Variants in AKR1C8 observed in about 807,000 individuals in gnomAD.
The protein encoded by AKR1C8 is aldo-keto reductase family 1 member C-like protein 1.
the AKR1C8 span, among the ~76,000 whole-genome samples, chr10:5,125,043 G>C: frequency 7.6e-6 from 1 of 131,104 alleles, no homozygotes; most frequent in Admixed American, 7.3e-5. Context: ...ATCACAATTG[G>C]ATTTTTTTTT....
At chr10:5,124,703 G>C in the AKR1C8 span, among the ~76,000 whole-genome samples, 2 of 151,970 alleles carry the variant, frequency 1.3e-5, no homozygotes, top group Non-Finnish European at 2.9e-5. Flanking sequence ...AATATGTTGT[G>C]GAATATAACT....
At chr10:5,173,405 T>C in the AKR1C8 span, among the ~76,000 whole-genome samples, 1 of 151,756 alleles carries the variant, frequency 6.6e-6, no homozygotes, top group African/African-American at 2.4e-5. Flanking sequence ...AGGTGCAGAA[T>C]GAGGAGGAGT....
chr10:5,155,810 C>T, the AKR1C8 span: 1 of 443,044 alleles, frequency 2.3e-6, no homozygotes, highest in South Asian at 1.7e-5. Flanking sequence ...GCAGCTTCTA[C>T]ATGGGAATAC....
chr10:5,126,974 A>T, the AKR1C8 span, among the ~76,000 whole-genome samples: 1 of 148,450 alleles, frequency 6.7e-6, no homozygotes, highest in Non-Finnish European at 1.5e-5. Context: ...AACAAGTAGA[A>T]GAAGTAGTCT....
At chr10:5,180,537 G>C in the AKR1C8 span, among the ~76,000 whole-genome samples, 1 of 152,202 alleles carries the variant, frequency 6.6e-6, no homozygotes, top group Non-Finnish European at 1.5e-5. Context: ...AGTCTGCAGA[G>C]GTTACTGCTG....
the AKR1C8 span, chr10:5,157,780 T>C: frequency 2.1e-6 from 1 of 471,112 alleles, no homozygotes. Flanking sequence ...CTCCAAGAGA[T>C]GTGGGCAGTC....
the AKR1C8 span, among the ~76,000 whole-genome samples, chr10:5,148,089 T>C: frequency 5.3e-5 from 8 of 152,240 alleles, no homozygotes; most frequent in African/African-American, 1.9e-4. Context: ...GTGAGGCCTC[T>C]GGCTTCACAA....
At chr10:5,121,479 T>G in the AKR1C8 span, among the ~76,000 whole-genome samples, 287 of 152,104 alleles carry the variant, frequency 1.9e-3, 3 homozygotes, top group African/African-American at 6.5e-3. Context: ...AAAATGAGAG[T>G]TGTGACAGGC....
chr10:5,119,217 A>T, the AKR1C8 span, among the ~76,000 whole-genome samples: 1 of 152,228 alleles, frequency 6.6e-6, no homozygotes, highest in South Asian at 2.1e-4. Context: ...TGAATAAATG[A>T]ATGAATGGCA....
At chr10:5,147,095 C>G in the AKR1C8 span, among the ~76,000 whole-genome samples, 1 of 152,230 alleles carries the variant, frequency 6.6e-6, no homozygotes, top group East Asian at 1.9e-4. Flanking sequence ...CCATTCATGG[C>G]AAAAGGAGAC....
chr10:5,179,825 C>G, the AKR1C8 span, among the ~76,000 whole-genome samples: 1 of 152,210 alleles, frequency 6.6e-6, no homozygotes, highest in Non-Finnish European at 1.5e-5. Flanking sequence ...TCAGCTCCTT[C>G]AGCTCCTTTA....
the AKR1C8 span, among the ~76,000 whole-genome samples, chr10:5,137,049 C>A: frequency 6.6e-6 from 1 of 152,066 alleles, no homozygotes; most frequent in Admixed American, 6.6e-5. Flanking sequence ...ATTAGGTAAG[C>A]AATAGTATCT....
the AKR1C8 span, among the ~76,000 whole-genome samples, chr10:5,135,981 T>C: frequency 6.6e-6 from 1 of 152,196 alleles, no homozygotes; most frequent in African/African-American, 2.4e-5. Context: ...GCAGAAATTA[T>C]GACATGATGT....
chr10:5,155,655 A>C, the AKR1C8 span: 1 of 462,332 alleles, frequency 2.2e-6, no homozygotes, highest in South Asian at 1.6e-5. Flanking sequence ...CCTGTGAGAG[A>C]ATCTACAAGC....
the AKR1C8 span, among the ~76,000 whole-genome samples, chr10:5,116,096 T>C: frequency 1.3e-5 from 2 of 152,156 alleles, no homozygotes; most frequent in African/African-American, 2.4e-5. Context: ...TAGTTTCCCA[T>C]TGACCTTAAT....
chr10:5,183,440 A>G, the AKR1C8 span, among the ~76,000 whole-genome samples: 2 of 152,144 alleles, frequency 1.3e-5, no homozygotes, highest in African/African-American at 2.4e-5. Flanking sequence ...ATCCCCCCTT[A>G]TTTCATTTTA....
At chr10:5,158,251 T>C in the AKR1C8 span, among the ~76,000 whole-genome samples, 1 of 152,182 alleles carries the variant, frequency 6.6e-6, no homozygotes, top group Non-Finnish European at 1.5e-5. Flanking sequence ...ATAACTTCTT[T>C]GGGAGATAAC....
the AKR1C8 span, among the ~76,000 whole-genome samples, chr10:5,164,254 A>G: frequency 7.9e-5 from 12 of 152,258 alleles, no homozygotes; most frequent in African/African-American, 2.9e-4. Flanking sequence ...CACTCAACAC[A>G]TTCTTTCCTT....
the AKR1C8 span, among the ~76,000 whole-genome samples, chr10:5,174,807 A>C: frequency 6.6e-6 from 1 of 152,078 alleles, no homozygotes; most frequent in Non-Finnish European, 1.5e-5. Context: ...GGAATAAAAG[A>C]CTGTCTTAAA....
Sources: gnomAD v4.1 joint callset for allele counts (sites outside exome capture counted in the v4.1 genomes callset) on GRCh38, gnomAD v4.1.1 for gene constraint, MANE v1.5 for transcripts, NCBI Gene and HGNC (gene_info 2026-07-23, HGNC 2026-07-21) for gene names.